NR1H2: variants seen among roughly 807,000 people sequenced by gnomAD.
NR1H2 encodes the protein nuclear receptor subfamily 1 group H member 2, also known as oxysterols receptor LXR-beta.
In NR1H2, 33 loss-of-function variants were observed where a neutral mutation model predicts 51.2. The observed-to-expected ratio is 0.64, with a 90% confidence interval of 0.49 to 0.86. The LOEUF (loss-of-function observed/expected upper bound fraction) is 0.86. Among genes scored for constraint, NR1H2 ranks in the 40% least tolerant of loss-of-function variants. NR1H2 has a pLI of 0.00. For synonymous variants in NR1H2, 310 were observed against 264.3 expected (o/e 1.17, Z -1.68); for missense variants, 592 against 639.9 (o/e 0.93, Z 0.81).
intron 9 of NR1H2, 21 bp from the exon 10 acceptor site, chr19:50,382,435 C>T: frequency 6.4e-7 from 1 of 1,571,748 alleles, no homozygotes; most frequent in Non-Finnish European, 8.6e-7. Flanking sequence ...TCAGCCAGCG[C>T]CCACCTGCCT....
rs1213011811 is a variant in NR1H2, at chr19:50,382,548, C to T, written c.1329C>T (p.Leu443=). 1 of 1,607,704 alleles carries T rather than the reference C, an allele frequency of 6.2e-7. No individual in the cohort carries two copies. The highest frequency in any genetic ancestry group is 1.7e-5 in the Admixed American group (1 of 59,632). ...CGGAGCAGGTCTTCGCCTTGCGGCT[C>T]CAGGACAAGAAGCTGCCGCCTCTGC... ...VHSEQVFALR[L]QDKKLPPLLS... Residue 443 remains leucine (L), a synonymous_variant, in exon 10 of 10, where the codon CTC becomes CTT. Coordinates refer to ENST00000253727, the MANE Select transcript of NR1H2 (RefSeq NM_007121.7).
chr19:50,381,966 G>A lies in NR1H2; in HGVS notation c.1028G>A (p.Gly343Asp). 1.9e-6 allele frequency: 3 copies of A among 1,554,152 alleles called. No homozygotes were observed. The highest frequency in any genetic ancestry group is 2.6e-6 in the Non-Finnish European group (3 of 1,148,324). Residue 343 changes from glycine to aspartate, a missense_variant and splice_region_variant, in exon 9 of 10, where the codon GGC becomes GAC. Physicochemically the swap from Gly to Asp is moderately conservative, Grantham distance 94. Coordinates refer to ENST00000253727, the MANE Select transcript of NR1H2 (RefSeq NM_007121.7). ...TYSKDDFHRA[G>D]LQVEFINPIF... ...TCACGGGCTGCCTCCCGCCCCGCAG[G>A]CCTGCAGGTGGAGTTCATCAACCCC...
At chr19:50,377,709 C>A (rs371746873) in intron 3 of NR1H2, 24 bp from the exon 4 acceptor site, 27 of 1,603,662 alleles carry the variant, frequency 1.7e-5, no homozygotes, top group Non-Finnish European at 2.1e-5. Context: ...CACTGTACCT[C>A]TCCCGGATTC....
chr19:50,377,709 C>T (rs371746873), intron 3 of NR1H2, 24 bp from the exon 4 acceptor site: 37 of 1,603,544 alleles, frequency 2.3e-5, no homozygotes, highest in Non-Finnish European at 3.0e-5. Flanking sequence ...CACTGTACCT[C>T]TCCCGGATTC....
rs2037800915 is a variant in NR1H2 at position 50,382,678 on chromosome 19, T to C, written c.*76T>C. On this transcript the variant is annotated 3_prime_UTR_variant, in exon 10 of 10. Transcript: ENST00000253727. Reference sequence around the variant, plus strand: ...AGACGCCGGCACCCCTTCCTCTTCCTAGGGTGGAAGGGGCCCTGGGCCGAG... The same window carrying C: ...AGACGCCGGCACCCCTTCCTCTTCCCAGGGTGGAAGGGGCCCTGGGCCGAG... The C allele has an allele frequency of 2.1e-6, 3 of 1,441,040 alleles. No homozygotes were observed. In the Admixed American group the frequency reaches 6.9e-5, roughly 33 times the overall value. 89.3% of individuals were successfully genotyped at this position (1,441,040 alleles called of 1,614,324 possible).
intron 3 of NR1H2, 22 bp from the exon 4 acceptor site, chr19:50,377,711 C>A: frequency 6.2e-7 from 1 of 1,603,824 alleles, no homozygotes; most frequent in Non-Finnish European, 8.5e-7. Context: ...CTGTACCTCT[C>A]CCGGATTCCA....
At position 50,378,386 on chromosome 19, in the gene NR1H2, A is replaced by G. The variant is rs1255565480; in HGVS notation, c.419A>G (p.Lys140Arg). The change falls in exon 5 of 10, where the codon AAG becomes AGG. Residue 140 changes from lysine to arginine, a missense_variant. By Grantham distance (26) the Lys-to-Arg change is conservative. Coordinates refer to ENST00000253727, the MANE Select transcript of NR1H2 (RefSeq NM_007121.7). ...CAGATGGACGCTTTCATGCGGCGCAAGTGCCAGCAGTGCCGGCTGCGCAAG... is the reference window on the plus strand; with the variant it reads ...CAGATGGACGCTTTCATGCGGCGCAGGTGCCAGCAGTGCCGGCTGCGCAAG... ...TCQMDAFMRR[K>R]CQQCRLRKCK... 1 of 1,607,344 alleles carries G rather than the reference A, an allele frequency of 6.2e-7. No individual in the cohort carries two copies. The highest frequency in any genetic ancestry group is 8.5e-7 in the Non-Finnish European group (1 of 1,175,212).
At position 50,382,715 on chromosome 19, in the gene NR1H2, A is replaced by ACAGGC; in HGVS notation, c.*113_*114insCAGGC. 8.9e-7 allele frequency: 1 copy of ACAGGC among 1,118,482 alleles called. No individual in the cohort carries two copies. The highest frequency in any genetic ancestry group is 1.2e-6 in the Non-Finnish European group (1 of 801,642). The allele number at this position is 1,118,482 out of a possible 1,614,324, so 69.3% of individuals were successfully genotyped here. A position where few individuals can be genotyped will look rare whatever the true frequency, so the allele number is the denominator to read the frequency against. ...GGCCCTGGGCCGAGCCTGTAGACCT[A>ACAGGC]TCGGCTCTCATCCCTTGGGATAAGC... is the stretch of plus-strand genomic sequence containing the variant. On this transcript the variant is annotated 3_prime_UTR_variant, in exon 10 of 10. Coordinates refer to ENST00000253727, the MANE Select transcript of NR1H2 (RefSeq NM_007121.7).
chr19:50,383,177 G>A lies in NR1H2; in HGVS notation c.*575G>A, dbSNP rs2037816864. Among the ~76,000 whole-genome samples, 1 of 152,132 alleles carries A rather than the reference G, an allele frequency of 6.6e-6. No homozygotes were observed. Among genetic ancestry groups the A allele is most frequent in the African/African-American group, 2.4e-5 (1 of 41,420 alleles). On this transcript the variant is annotated 3_prime_UTR_variant, in exon 10 of 10. Transcript: ENST00000253727. Reference sequence around the variant, plus strand: ...GGGTGGTGTGTCGCCTGCTGTGAAAGTTCAGGACAGAGGCCTCAGCCTCAG... The same window carrying A: ...GGGTGGTGTGTCGCCTGCTGTGAAAATTCAGGACAGAGGCCTCAGCCTCAG...
chr19:50,377,925 A>T (rs1405178431), intron 4 of NR1H2, 55 bp downstream of exon 4: 24 of 1,500,116 alleles, frequency 1.6e-5, no homozygotes, highest in Middle Eastern at 1.9e-4. Context: ...TTAGGAAGGG[A>T]GAAAGAAATA....
chr19:50,377,853 C>T lies in NR1H2; in HGVS notation c.164C>T (p.Ala55Val). ...DVPGTDEASS[A>V]CSTDWVIPDP... ...CCAGGCACTGATGAGGCCAGCTCAG[C>T]CTGCAGCACAGACTGGGGTGAGACA... is the stretch of plus-strand genomic sequence containing the variant. Residue 55 changes from alanine to valine, a missense_variant, in exon 4 of 10, where the codon GCC becomes GTC. Coordinates refer to ENST00000253727, the MANE Select transcript of NR1H2 (RefSeq NM_007121.7). 2.5e-6 allele frequency: 4 copies of T among 1,580,872 alleles called. No homozygotes were observed. The highest frequency in any genetic ancestry group is 3.4e-6 in the Non-Finnish European group (4 of 1,166,428).
intron 8 of NR1H2, among the ~76,000 whole-genome samples, 184 bp downstream of exon 8, chr19:50,380,063 C>G (rs926264272): frequency 1.3e-5 from 2 of 152,208 alleles, no homozygotes; most frequent in African/African-American, 4.8e-5. Flanking sequence ...ATAGTCCCAG[C>G]CACTCGAGGC....
intron 8 of NR1H2, among the ~76,000 whole-genome samples, chr19:50,380,384 C>T (rs1309023789): frequency 1.3e-5 from 2 of 152,130 alleles, no homozygotes; most frequent in South Asian, 2.1e-4. Context: ...CTGCTTCCTG[C>T]CCTCTGAGAG....
In NR1H2 at chr19:50,378,308, G is replaced by C; in HGVS notation, c.341G>C (p.Ser114Thr). The change falls in exon 5 of 10, where the codon AGT becomes ACT. Residue 114 changes from serine (S) to threonine (T), a missense_variant. Ser to Thr is a moderately conservative substitution (Grantham distance 58). Transcript: ENST00000253727. Reference protein sequence around the residue: ...CEGCKGFFRRSVVRGGARRYA... With the variant: ...CEGCKGFFRRTVVRGGARRYA... Reference sequence around the variant, plus strand: ...GGCTGCAAGGGCTTCTTCCGGCGCAGTGTGGTCCGTGGTGGGGCCAGGCGC... The same window carrying C: ...GGCTGCAAGGGCTTCTTCCGGCGCACTGTGGTCCGTGGTGGGGCCAGGCGC... 1 of 1,613,244 alleles carries C rather than the reference G, an allele frequency of 6.2e-7. No individual in the cohort carries two copies. The highest frequency in any genetic ancestry group is 2.2e-5 in the East Asian group (1 of 44,888).
In NR1H2 at chr19:50,381,880, C is replaced by A; in HGVS notation, c.1028-86C>A. 5.0e-6 allele frequency: 6 copies of A among 1,188,276 alleles called. No individual in the cohort carries two copies. The African/African-American group carries it at 7.6e-5, about 15-fold the overall frequency. The allele number at this position is 1,188,276 out of a possible 1,614,324, so 73.6% of individuals were successfully genotyped here. On this transcript the variant is annotated intron_variant, in intron 8 of 9. Coordinates refer to ENST00000253727, the MANE Select transcript of NR1H2 (RefSeq NM_007121.7). ...CTGTAATTACTGCTGTGTTCCCAGC[C>A]CCAGAGACTGTGGGCAGCGCCAGGG... is the stretch of plus-strand genomic sequence containing the variant.
intron 9 of NR1H2, 137 bp downstream of exon 9, chr19:50,382,311 A>G (rs1358225566): frequency 4.5e-6 from 6 of 1,336,602 alleles, no homozygotes; most frequent in Non-Finnish European, 6.0e-6. Flanking sequence ...CTCGACTGGG[A>G]GCCAGGTCTA....
In NR1H2 at chr19:50,377,788, G is replaced by A. The variant is rs1568593688; in HGVS notation, c.99G>A (p.Glu33=). The change falls in exon 4 of 10, where the codon GAG becomes GAA. Residue 33 remains glutamate, a synonymous_variant. Transcript: ENST00000253727. ...CTTCTTCACCCACTGTAAAGGAGGA[G>A]GGTCCGGAGCCGTGGCCCGGGGGTC... ...APSSSPTVKE[E]GPEPWPGGPD... 6.2e-7 allele frequency: 1 copy of A among 1,610,982 alleles called. No homozygotes were observed. The highest frequency in any genetic ancestry group is 8.5e-7 in the Non-Finnish European group (1 of 1,178,560).
chr19:50,382,370 G>A, intron 9 of NR1H2, 86 bp from the exon 10 acceptor site: 1 of 1,499,204 alleles, frequency 6.7e-7, no homozygotes, highest in East Asian at 2.5e-5. Flanking sequence ...CCTGGTCGGG[G>A]AGGGGCCCTC....
intron 2 of NR1H2, 178 bp from the exon 3 acceptor site, chr19:50,377,409 G>A (rs2037684203): frequency 1.8e-6 from 1 of 544,050 alleles, no homozygotes; most frequent in East Asian, 3.2e-5. Flanking sequence ...GAACAGAAGG[G>A]GGCAGGTCTT....
Sources: allele counts gnomAD v4.1 joint callset (sites outside exome capture counted in the v4.1 genomes callset), GRCh38; gene constraint gnomAD v4.1.1; transcripts MANE v1.5; gene names NCBI Gene and HGNC (gene_info 2026-07-23, HGNC 2026-07-21).